Variants in CCDC102B observed in about 807,000 individuals in gnomAD.
CCDC102B encodes the protein coiled-coil domain containing 102B.
A neutral mutation model predicts 57.4 loss-of-function variants in CCDC102B; 75 were observed. The observed-to-expected ratio is 1.31, with a 90% CI of 1.08 to 1.58. The LOEUF (loss-of-function observed/expected upper bound fraction) is 1.58, where lower values mean the gene tolerates loss of function less well. Ranked by LOEUF, CCDC102B falls within the 40% of genes most tolerant of loss-of-function variation. The pLI is 0.00. For synonymous variants in CCDC102B, 206 were observed against 201.9 expected (o/e 1.02, Z -0.17); for missense variants, 636 against 582.6 (o/e 1.09, Z -0.94).
intron 6 of CCDC102B, among the ~76,000 whole-genome samples, chr18:68,926,489 GTATTT>G (rs1158461402): frequency 1.3e-5 from 2 of 151,618 alleles, no homozygotes; most frequent in Non-Finnish European, 3.0e-5. Flanking sequence ...TTATAAAAAG[GTATTT>G]TATAGGAGGC....
At chr18:69,031,027 C>T (rs944482444) in intron 7 of CCDC102B, among the ~76,000 whole-genome samples, 2 of 152,114 alleles carry the variant, frequency 1.3e-5, no homozygotes, top group African/African-American at 4.8e-5. Flanking sequence ...CTTTTACTTT[C>T]TGTCCAAACA....
At chr18:68,855,498 C>T (rs2038341417) in intron 4 of CCDC102B, among the ~76,000 whole-genome samples, 1 of 152,062 alleles carries the variant, frequency 6.6e-6, no homozygotes, top group South Asian at 2.1e-4. Flanking sequence ...TACAATTCAC[C>T]CACTTAAAAT....
intron 4 of CCDC102B, among the ~76,000 whole-genome samples, chr18:68,847,783 T>G (rs2037941030): frequency 6.6e-6 from 1 of 151,732 alleles, no homozygotes; most frequent in South Asian, 2.1e-4. Context: ...TGTGAAAAAT[T>G]TGTCTTTTGA....
chr18:68,816,221 A>C (rs1325890605), intron 1 of CCDC102B, among the ~76,000 whole-genome samples: 1 of 152,176 alleles, frequency 6.6e-6, no homozygotes, highest in Admixed American at 6.5e-5. Context: ...CAAATCCATC[A>C]TGTACAGAAA....
chr18:68,837,383 C>G lies in CCDC102B; in HGVS notation c.606+14C>G. 6.3e-7 allele frequency: 1 copy of G among 1,593,166 alleles called. No individual in the cohort carries two copies. The highest frequency in any genetic ancestry group is 8.5e-7 in the Non-Finnish European group (1 of 1,170,436). On this transcript the variant is annotated intron_variant, in intron 2 of 7. Coordinates refer to ENST00000360242, the MANE Select transcript of CCDC102B (RefSeq NM_024781.3). ...ACAAATAATAAGGTAAGAAAAAAAT[C>G]CAGAGATGATGTGAATTTCTGAAGG...
At chr18:68,939,097 A>G (rs2049316364) in intron 6 of CCDC102B, among the ~76,000 whole-genome samples, 1 of 151,784 alleles carries the variant, frequency 6.6e-6, no homozygotes, top group South Asian at 2.1e-4. Context: ...TAACCTATCA[A>G]TTATATTTTC....
intron 6 of CCDC102B, among the ~76,000 whole-genome samples, chr18:68,965,159 A>G (rs2050136573): frequency 6.6e-6 from 1 of 151,922 alleles, no homozygotes; most frequent in Non-Finnish European, 1.5e-5. Flanking sequence ...TATGTCTTCT[A>G]TTCCTATCCT....
At chr18:68,954,957 A>C (rs2049800920) in intron 6 of CCDC102B, among the ~76,000 whole-genome samples, 1 of 152,292 alleles carries the variant, frequency 6.6e-6, no homozygotes, top group South Asian at 2.1e-4. Flanking sequence ...CAACAATGAC[A>C]CTACAGCCAC....
intron 7 of CCDC102B, among the ~76,000 whole-genome samples, chr18:69,029,126 G>A (rs988293012): frequency 6.6e-6 from 1 of 152,092 alleles, no homozygotes; most frequent in Non-Finnish European, 1.5e-5. Context: ...CAAATATGTT[G>A]TAAAGAAAGA....
intron 6 of CCDC102B, among the ~76,000 whole-genome samples, chr18:68,972,112 A>T (rs2050316925): frequency 6.6e-6 from 1 of 152,188 alleles, no homozygotes; most frequent in Non-Finnish European, 1.5e-5. Flanking sequence ...CATTTACAAA[A>T]TCCAAAGTAC....
At position 68,937,650 on chromosome 18, in the gene CCDC102B, G is replaced by A. The variant is rs572111789; in HGVS notation, c.1263+40222G>A. ...GTTTTGGGATACATGTGCAGAATGTGCAGTTCTGTTACATAGGTATACATG... is the reference window on the plus strand; with the variant it reads ...GTTTTGGGATACATGTGCAGAATGTACAGTTCTGTTACATAGGTATACATG... On this transcript the variant is annotated intron_variant, in intron 6 of 7. Transcript: ENST00000360242. 9.2e-5 allele frequency among the ~76,000 whole-genome samples: 14 copies of A among 152,130 alleles called. No homozygotes were observed. The East Asian group carries it at 2.7e-3, about 30-fold the overall frequency.
chr18:68,808,492 T>G (rs2036117409), intron 1 of CCDC102B, among the ~76,000 whole-genome samples: 1 of 146,006 alleles, frequency 6.8e-6, no homozygotes, highest in East Asian at 2.1e-4. Context: ...TTTTTTTTTT[T>G]TGTGAGACAG....
At chr18:69,031,452 T>G (rs2052142835) in intron 7 of CCDC102B, among the ~76,000 whole-genome samples, 1 of 151,702 alleles carries the variant, frequency 6.6e-6, no homozygotes, top group South Asian at 2.1e-4. Context: ...TGGAGACCTT[T>G]TTTTTTTTTT....
intron 2 of CCDC102B, among the ~76,000 whole-genome samples, chr18:68,773,951 T>C (rs1277018095): frequency 6.6e-6 from 1 of 151,972 alleles, no homozygotes; most frequent in African/African-American, 2.4e-5. Flanking sequence ...CAAAAATGTA[T>C]GCCTTTTCTT....
chr18:68,931,530 T>C (rs2041673451), intron 6 of CCDC102B, among the ~76,000 whole-genome samples: 1 of 151,864 alleles, frequency 6.6e-6, no homozygotes, highest in Admixed American at 6.6e-5. Context: ...GTTACAGTAG[T>C]CTGTGGTCCT....
chr18:69,003,559 T>C (rs1168265854), intron 6 of CCDC102B, among the ~76,000 whole-genome samples: 4 of 152,210 alleles, frequency 2.6e-5, no homozygotes, highest in Middle Eastern at 3.2e-3. Context: ...CCATCCCTGA[T>C]TGCATTTGCT....
chr18:68,915,095 A>G (rs1306986880), intron 6 of CCDC102B, among the ~76,000 whole-genome samples: 1 of 152,188 alleles, frequency 6.6e-6, no homozygotes, highest in Non-Finnish European at 1.5e-5. Flanking sequence ...TTTTAAGGCT[A>G]TTTTATATAT....
intron 4 of CCDC102B, among the ~76,000 whole-genome samples, chr18:68,869,014 G>A (rs2039123558): frequency 6.6e-6 from 1 of 152,128 alleles, no homozygotes; most frequent in Non-Finnish European, 1.5e-5. Context: ...CACAGGGGAG[G>A]TGACAGAGAA....
intron 4 of CCDC102B, among the ~76,000 whole-genome samples, chr18:68,849,056 A>G (rs954418382): frequency 1.3e-4 from 20 of 152,058 alleles, no homozygotes; most frequent in Non-Finnish European, 7.4e-5. Context: ...ATATTATTTC[A>G]TAAATATTTA....
Sources: gnomAD v4.1 joint callset for allele counts (sites outside exome capture counted in the v4.1 genomes callset) on GRCh38, gnomAD v4.1.1 for gene constraint, MANE v1.5 for transcripts, NCBI Gene and HGNC (gene_info 2026-07-23, HGNC 2026-07-21) for gene names.